The following CAMSAP1 variants were observed in gnomAD, a reference collection of about 807,000 sequenced individuals.
The protein encoded by CAMSAP1 is calmodulin-regulated spectrin-associated protein 1.
In CAMSAP1, 58 loss-of-function variants were observed where a neutral mutation model predicts 143.5. The ratio of observed to expected loss-of-function variants is 0.40; its 90% CI spans 0.33 to 0.50. CAMSAP1 has a LOEUF of 0.50. Among genes scored for constraint, CAMSAP1 ranks in the 20% least tolerant of loss-of-function variants. The pLI, the probability that CAMSAP1 is intolerant of heterozygous loss-of-function variation, is 0.45. For missense variants in CAMSAP1, 1,969 were observed against 2,115.7 expected, an observed-to-expected ratio of 0.93 and a Z score of 1.36; for synonymous variants, 945 against 859.3, an observed-to-expected ratio of 1.10 and a Z score of -1.74.
At chr9:135,871,076 A>T (rs2130955682) in intron 3 of CAMSAP1, among the ~76,000 whole-genome samples, 1 of 152,338 alleles carries the variant, frequency 6.6e-6, no homozygotes, top group East Asian at 1.9e-4. Context: ...AACTTCAATA[A>T]CAACAACATA....
rs1835456943 is a variant in CAMSAP1, at chr9:135,821,459, T to G, written c.3202A>C (p.Lys1068Gln). Reference protein sequence around the residue: ...PGSKNNSQDHKVKAPVHFVEP... With the variant: ...PGSKNNSQDHQVKAPVHFVEP... ...ACGAAGTGGACTGGTGCCTTCACTT[T>G]GTGGTCCTGCGAGTTATTCTTAGAG... The change falls in exon 11 of 17, where the codon AAA (lysine) becomes CAA (glutamine). Residue 1068 changes from lysine to glutamine, a missense_variant. Around this residue, in one of 4 missense-constraint regions of CAMSAP1, gnomAD observed 1,390 missense variants for 1,420.8 expected, o/e 0.98. Transcript: ENST00000389532. This position sits in a 1 kb window ranked among gnomAD's most constrained non-coding sequence, Gnocchi z 4.6. 1 of 1,613,946 alleles carries G rather than the reference T, an allele frequency of 6.2e-7. No individual in the cohort carries two copies. The highest frequency in any genetic ancestry group is 8.5e-7 in the Non-Finnish European group (1 of 1,179,910).
intron 3 of CAMSAP1, among the ~76,000 whole-genome samples, chr9:135,872,591 G>A (rs1837604685): frequency 6.6e-6 from 1 of 152,096 alleles, no homozygotes; most frequent in Non-Finnish European, 1.5e-5. Context: ...AAAAGCAAGA[G>A]CAACTACACA....
chr9:135,823,630 C>T (rs919009092), intron 10 of CAMSAP1, among the ~76,000 whole-genome samples: 1 of 152,174 alleles, frequency 6.6e-6, no homozygotes, highest in African/African-American at 2.4e-5. Context: ...TTCGCCAGAA[C>T]GGAAGAAGTT....
At position 135,818,535 on chromosome 9, in the gene CAMSAP1, C is replaced by T. The variant is rs1431048242; in HGVS notation, c.4041G>A (p.Arg1347=). 1 of 1,612,776 alleles carries T rather than the reference C, an allele frequency of 6.2e-7. No homozygotes were observed. Among genetic ancestry groups the T allele is most frequent in the African/African-American group, 1.3e-5 (1 of 74,942 alleles). The change falls in exon 13 of 17, where the codon AGG becomes AGA. Residue 1347 remains arginine (R), a synonymous_variant. Coordinates refer to ENST00000389532, the MANE Select transcript of CAMSAP1 (RefSeq NM_015447.4). This position sits in a 1 kb window ranked among gnomAD's most constrained non-coding sequence, Gnocchi z 7.7. ...GCTCCTCTAGGATCTGCTGCTGCTTCCTCCGCAGGTACTCCTGCTTGATGA... is the reference window on the plus strand; with the variant it reads ...GCTCCTCTAGGATCTGCTGCTGCTTTCTCCGCAGGTACTCCTGCTTGATGA... ...RELIKQEYLR[R]KQQQILEEQG...
At chr9:135,866,239 T>A in intron 4 of CAMSAP1, 9 of 517,772 alleles carry the variant, frequency 1.7e-5, no homozygotes, top group Non-Finnish European at 3.2e-5. Flanking sequence ...TAAAGTGCAA[T>A]ACAAAACACC....
At chr9:135,865,165 G>A (rs572092516) in intron 4 of CAMSAP1, 31 of 644,236 alleles carry the variant, frequency 4.8e-5, no homozygotes, top group African/African-American at 2.6e-4. Flanking sequence ...AGGCCTATTC[G>A]GCTCAGAATC....
At chr9:135,819,179 G>A in intron 11 of CAMSAP1, 33 bp from the exon 12 acceptor site, 1 of 1,583,786 alleles carries the variant, frequency 6.3e-7, no homozygotes, top group Middle Eastern at 1.7e-4. Flanking sequence ...AGCATGACAG[G>A]AACCCCCTCA....
chr9:135,870,210 G>A (rs1317139214), intron 3 of CAMSAP1, among the ~76,000 whole-genome samples: 1 of 152,186 alleles, frequency 6.6e-6, no homozygotes, highest in Non-Finnish European at 1.5e-5. Context: ...GGAGGTGACT[G>A]GATCATGGGA....
chr9:135,824,290 A>G lies in CAMSAP1; in HGVS notation c.1316-256T>C, dbSNP rs923889715. Among the ~76,000 whole-genome samples, 5 of 152,230 alleles carry G rather than the reference A, an allele frequency of 3.3e-5. No homozygotes were observed. Among genetic ancestry groups the G allele is most frequent in the African/African-American group, 1.2e-4 (5 of 41,460 alleles). ...CTCTGTGTCTACTACACAGAAGGTA[A>G]TTGCTCTCAACGATATTTTCACTGC... On this transcript the variant is annotated intron_variant, in intron 9 of 16. Transcript: ENST00000389532. This position sits in a 1 kb window ranked among gnomAD's most constrained non-coding sequence, Gnocchi z 4.1.
intron 1 of CAMSAP1, among the ~76,000 whole-genome samples, chr9:135,899,329 C>T (rs1380977963): frequency 2.6e-5 from 4 of 151,638 alleles, no homozygotes; most frequent in African/African-American, 9.7e-5. Flanking sequence ...TGGCTCACAC[C>T]TGTAATCCCA....
intron 5 of CAMSAP1, among the ~76,000 whole-genome samples, chr9:135,860,048 A>AAT (rs1837125053): frequency 6.6e-6 from 1 of 150,606 alleles, no homozygotes; most frequent in Admixed American, 6.6e-5. Flanking sequence ...CCACAAAAAA[A>AAT]AAAAAAATAA....
In CAMSAP1 at chr9:135,822,226, A is replaced by C. The variant is rs1440873873; in HGVS notation, c.2435T>G (p.Val812Gly). The C allele has an allele frequency of 1.2e-6, 2 of 1,613,856 alleles. No homozygotes were observed. Among genetic ancestry groups the C allele is most frequent in the East Asian group, 4.5e-5 (2 of 44,880 alleles). The stretch of plus-strand genomic sequence containing the variant: ...CCTCTCCGCAAAGCTGGTCATCTTC[A>C]CGCTCCCACTCGCCATGGAGACACT... ...MSSVSMASGS[V>G]KMTSFAERKL... is the part of the protein sequence containing the mutation. Residue 812 changes from valine to glycine, a missense_variant, in exon 11 of 17, where the codon GTG (valine) becomes GGG (glycine). By Grantham distance (109) the Val-to-Gly change is moderately radical. Coordinates refer to ENST00000389532, the MANE Select transcript of CAMSAP1 (RefSeq NM_015447.4). The surrounding 1 kb of genome is among the most constrained non-coding windows in gnomAD (Gnocchi z 6.1).
intron 7 of CAMSAP1, among the ~76,000 whole-genome samples, chr9:135,841,021 G>A (rs991732466): frequency 6.6e-5 from 10 of 152,106 alleles, no homozygotes; most frequent in African/African-American, 2.4e-4. Context: ...CCTGGAAAGG[G>A]TGCTGAAGTC....
In CAMSAP1 at chr9:135,811,018, G is replaced by C. The variant is rs182178833; in HGVS notation, c.*291C>G. ...CGGGACCTGGCTGTGAACACCCTCC[G>C]CTGGGAGCCTCAGTGGTCAGCAGTG... On this transcript the variant is annotated 3_prime_UTR_variant, in exon 17 of 17. Coordinates refer to ENST00000389532, the MANE Select transcript of CAMSAP1 (RefSeq NM_015447.4). This position sits in a 1 kb window ranked among gnomAD's most constrained non-coding sequence, Gnocchi z 4.9. 15 of 414,114 alleles carry C rather than the reference G, an allele frequency of 3.6e-5. No individual in the cohort carries two copies. Among genetic ancestry groups the C allele is most frequent in the African/African-American group, 3.0e-4 (15 of 49,896 alleles). The allele number at this position is 414,114 out of a possible 1,614,324, so 25.7% of individuals were successfully genotyped here.
chr9:135,830,458 CTA>C, intron 7 of CAMSAP1, among the ~76,000 whole-genome samples: 2 of 152,354 alleles, frequency 1.3e-5, no homozygotes, highest in Non-Finnish European at 2.9e-5. Context: ...AAAACTGTCT[CTA>C]GAGACAAGGG....
chr9:135,904,897 G>A (rs1395231892), intron 1 of CAMSAP1, among the ~76,000 whole-genome samples: 1 of 152,148 alleles, frequency 6.6e-6, no homozygotes, highest in African/African-American at 2.4e-5. Flanking sequence ...CCCAGGAGGT[G>A]GCGGTTGCGG....
intron 4 of CAMSAP1, among the ~76,000 whole-genome samples, chr9:135,863,790 C>T (rs759541901): frequency 5.9e-5 from 9 of 152,168 alleles, no homozygotes; most frequent in African/African-American, 2.2e-4. Context: ...TACTGTACCA[C>T]GCGTGCAAAC....
At chr9:135,897,323 C>CT (rs976583763) in intron 1 of CAMSAP1, among the ~76,000 whole-genome samples, 3 of 151,750 alleles carry the variant, frequency 2.0e-5, no homozygotes, top group Admixed American at 6.6e-5. Flanking sequence ...CCAGCTAATT[C>CT]TTTTTTTTAA....
chr9:135,849,953 T>C (rs1042639068), intron 7 of CAMSAP1, 184 bp downstream of exon 7: 28 of 493,428 alleles, frequency 5.7e-5, no homozygotes, highest in Middle Eastern at 4.6e-4. Context: ...CGTAACCGAA[T>C]AGTTCATCAA....
Sources: gnomAD v4.1 joint callset for allele counts (sites outside exome capture counted in the v4.1 genomes callset) on GRCh38, gnomAD v4.1.1 for gene constraint, gnomAD v4.1.1 regional missense constraint, Gnocchi (gnomAD v3.1) non-coding constraint, MANE v1.5 for transcripts, NCBI Gene and HGNC (gene_info 2026-07-23, HGNC 2026-07-21) for gene names.